Variants in RBM26 observed in about 807,000 individuals in gnomAD.
RBM26 encodes the protein RNA binding motif protein 26.
RBM26 carries 30 observed loss-of-function variants against 123.6 expected under a neutral mutation model. That is an observed-to-expected ratio of 0.24 (90% CI 0.18 to 0.33). The LOEUF (loss-of-function observed/expected upper bound fraction) is 0.33. RBM26 is among the 10% of genes least tolerant of loss of function. RBM26 has a pLI of 1.00. For missense variants in RBM26, 947 were observed against 1,203.6 expected (o/e 0.79, Z 3.15); for synonymous variants, 400 against 404.4 (o/e 0.99, Z 0.13).
At position 79,320,403 on chromosome 13, in the gene RBM26, G is replaced by T; in HGVS notation, c.*218C>A. 8.4e-7 allele frequency: 1 copy of T among 1,189,532 alleles called. No homozygotes were observed. Among genetic ancestry groups the T allele is most frequent in the East Asian group, 3.8e-5 (1 of 26,168 alleles). 73.7% of individuals were successfully genotyped at this position (1,189,532 alleles called of 1,614,324 possible). ...TAAAAACATTGCATATGTTTCTAGTGTGATGTCTTTAGCAATTGTTTACTG... is the reference window on the plus strand; with the variant it reads ...TAAAAACATTGCATATGTTTCTAGTTTGATGTCTTTAGCAATTGTTTACTG... On this transcript the variant is annotated 3_prime_UTR_variant, in exon 22 of 22. Transcript: ENST00000438737.
rs940684572 is a variant in RBM26, at chr13:79,368,025, T to A, written c.895+705A>T. Among the ~76,000 whole-genome samples the A allele has an allele frequency of 3.4e-3, 13 of 3,850 alleles. No individual in the cohort carries two copies. In the Non-Finnish European group the frequency reaches 0.083, roughly 25 times the overall value. The allele number at this position is 3,850 out of a possible 152,430, so 2.5% of individuals were successfully genotyped here. On this transcript the variant is annotated intron_variant, in intron 6 of 21. Transcript: ENST00000438737. ...TAAAAGTCTTCAATTCTTTTTATTT[T>A]TTTATTTTTATTTTTTTTGAGACGG...
At chr13:79,315,988 T>C, downstream of RBM26, among the ~76,000 whole-genome samples, 1 of 151,834 alleles carries the variant, frequency 6.6e-6, no homozygotes, top group East Asian at 1.9e-4. Flanking sequence ...GTTCCTGAGA[T>C]CTGGGAAAAG....
chr13:79,315,929 C>T (rs572270928), downstream of RBM26, among the ~76,000 whole-genome samples: 3 of 151,872 alleles, frequency 2.0e-5, no homozygotes, highest in South Asian at 6.2e-4. Flanking sequence ...GGCCTGTATA[C>T]ATACCTTTGA....
chr13:79,402,435 CTTT>C (rs35140010), intron 1 of RBM26, among the ~76,000 whole-genome samples: 3 of 140,642 alleles, frequency 2.1e-5, no homozygotes, highest in Non-Finnish European at 3.1e-5. Flanking sequence ...CACAGCCAGG[CTTT>C]TTTTTTTTTT....
chr13:79,320,138 A>T lies in RBM26; in HGVS notation c.*483T>A, dbSNP rs556437124. ...TCCAACAAAAGGCTAATACATAGTA[A>T]AGCCTAAGCATACTACTATGTAATA... On this transcript the variant is annotated 3_prime_UTR_variant, in exon 22 of 22. Coordinates refer to ENST00000438737, the MANE Select transcript of RBM26 (RefSeq NM_001366735.2). 36 of 958,494 alleles carry T rather than the reference A, an allele frequency of 3.8e-5. No individual in the cohort carries two copies. The highest frequency in any genetic ancestry group is 3.7e-4 in the Admixed American group (6 of 16,094). The allele number at this position is 958,494 out of a possible 1,614,324, so 59.4% of individuals were successfully genotyped here. A position where few individuals can be genotyped will look rare whatever the true frequency, so the allele number is the denominator to read the frequency against.
chr13:79,355,949 C>T (rs1196329511), intron 11 of RBM26, among the ~76,000 whole-genome samples: 1 of 152,172 alleles, frequency 6.6e-6, no homozygotes, highest in Admixed American at 6.5e-5. Context: ...TAGACACTTA[C>T]AGCTAATAAG....
intron 3 of RBM26, among the ~76,000 whole-genome samples, chr13:79,373,523 CTA>C (rs1255657831): frequency 1.3e-4 from 3 of 22,922 alleles, no homozygotes; most frequent in Non-Finnish European, 2.4e-4. Context: ...ATATATATTA[CTA>C]TATATATTTA....
Position 79,359,574 on chromosome 13 carries a change from C to T in RBM26, c.1529+1G>A. ...CTCCTCAATTTTCCTGGCCACCTTA[C>T]TTATCAAACCAAGTCTTCTTTGTAG... On this transcript the variant is annotated splice_donor_variant, in intron 10 of 21. Coordinates refer to ENST00000438737, the MANE Select transcript of RBM26 (RefSeq NM_001366735.2). LOFTEE classifies it high-confidence loss of function. 2 of 1,482,974 alleles carry T rather than the reference C, an allele frequency of 1.3e-6. No individual in the cohort carries two copies. Among genetic ancestry groups the T allele is most frequent in the Non-Finnish European group, 1.9e-6 (2 of 1,078,522 alleles). The allele number at this position is 1,482,974 out of a possible 1,614,324, so 91.9% of individuals were successfully genotyped here.
intron 21 of RBM26, 86 bp downstream of exon 21, chr13:79,322,263 G>T: frequency 1.2e-6 from 1 of 846,402 alleles, no homozygotes; most frequent in Non-Finnish European, 1.8e-6. Context: ...AAAGTTTTAT[G>T]TTAAAATCAC....
At chr13:79,391,801 G>T (rs975411497) in intron 1 of RBM26, among the ~76,000 whole-genome samples, 2 of 151,684 alleles carry the variant, frequency 1.3e-5, no homozygotes, top group South Asian at 2.1e-4. Context: ...GAAAGTTGCA[G>T]ATCATATCAC....
chr13:79,346,849 A>T (rs1345164566), intron 14 of RBM26, among the ~76,000 whole-genome samples: 2 of 152,200 alleles, frequency 1.3e-5, no homozygotes, highest in South Asian at 4.1e-4. Context: ...AACAGAGCCT[A>T]ATTAAGTTTC....
intron 1 of RBM26, among the ~76,000 whole-genome samples, chr13:79,388,507 T>C (rs1218931914): frequency 6.6e-6 from 1 of 152,212 alleles, no homozygotes; most frequent in African/African-American, 2.4e-5. Context: ...AATAAAACTT[T>C]CTCTACATCT....
intron 14 of RBM26, among the ~76,000 whole-genome samples, chr13:79,345,501 A>G (rs1225987962): frequency 6.6e-6 from 1 of 152,090 alleles, no homozygotes. Flanking sequence ...TCCCCCGTCT[A>G]CAATGTAAGG....
chr13:79,322,306 T>C, intron 21 of RBM26, 43 bp downstream of exon 21: 2 of 1,254,118 alleles, frequency 1.6e-6, no homozygotes, highest in Non-Finnish European at 2.2e-6. Context: ...ATAAAAGCTA[T>C]GAACGATTAA....
intron 19 of RBM26, among the ~76,000 whole-genome samples, chr13:79,336,285 T>C (rs1012916817): frequency 4.6e-5 from 7 of 152,216 alleles, no homozygotes; most frequent in African/African-American, 1.4e-4. Context: ...AAAGTATTTA[T>C]AGTGCTTAAT....
At chr13:79,316,333 A>G (rs531176377), downstream of RBM26, among the ~76,000 whole-genome samples, 1 of 151,592 alleles carries the variant, frequency 6.6e-6, no homozygotes, top group Admixed American at 6.6e-5. Flanking sequence ...ACATATTGAT[A>G]AAGTTTGCTT....
At chr13:79,404,015 T>C (rs776270432) in intron 1 of RBM26, among the ~76,000 whole-genome samples, 20 of 152,160 alleles carry the variant, frequency 1.3e-4, no homozygotes, top group Non-Finnish European at 2.2e-4. Flanking sequence ...CTACACACTT[T>C]TTCTATGAAA....
chr13:79,383,464 T>C (rs1329366346), intron 1 of RBM26, among the ~76,000 whole-genome samples: 1 of 152,202 alleles, frequency 6.6e-6, no homozygotes. Flanking sequence ...ACTAGATCAA[T>C]GGCTCATTTC....
chr13:79,371,743 A>G (rs571995852), intron 4 of RBM26, 99 bp downstream of exon 4: 39 of 781,320 alleles, frequency 5.0e-5, no homozygotes, highest in Non-Finnish European at 7.6e-5. Flanking sequence ...AAAAGAGTAG[A>G]TATTACTTGC....
Sources: allele counts gnomAD v4.1 joint callset (sites outside exome capture counted in the v4.1 genomes callset), GRCh38; gene constraint gnomAD v4.1.1; transcripts MANE v1.5; gene names NCBI Gene and HGNC (gene_info 2026-07-23, HGNC 2026-07-21).